Variants in ZFAND3 observed in about 807,000 individuals in gnomAD.
ZFAND3 encodes AN1-type zinc finger protein 3.
A neutral mutation model predicts 29.6 loss-of-function variants in ZFAND3; 10 were observed. The observed-to-expected ratio is 0.34, with a 90% CI of 0.21 to 0.57. The LOEUF is 0.57. Among genes scored for constraint, ZFAND3 ranks in the 20% least tolerant of loss-of-function variants. The pLI is 0.86. For synonymous variants in ZFAND3, 128 were observed against 112.6 expected, an observed-to-expected ratio of 1.14 and a Z score of -0.87; for missense variants, 230 against 304.5, an observed-to-expected ratio of 0.76 and a Z score of 1.82.
At chr6:37,938,816 A>T (rs925646687) in intron 2 of ZFAND3, among the ~76,000 whole-genome samples, 14 of 152,254 alleles carry the variant, frequency 9.2e-5, no homozygotes, top group African/African-American at 3.4e-4. Flanking sequence ...TTGCATTTCT[A>T]ACGGGAAACA....
intron 2 of ZFAND3, among the ~76,000 whole-genome samples, chr6:38,044,374 TCTTA>T (rs1220367997): frequency 1.3e-5 from 2 of 152,122 alleles, no homozygotes; most frequent in Non-Finnish European, 2.9e-5. Context: ...TAGTTAACAC[TCTTA>T]CTTTTTTTTT....
intron 5 of ZFAND3, among the ~76,000 whole-genome samples, chr6:38,144,856 C>T (rs187261655): frequency 6.6e-6 from 1 of 152,266 alleles, no homozygotes; most frequent in East Asian, 1.9e-4. Context: ...CCAGTTTTGC[C>T]AACTTGAAAT....
At chr6:37,863,771 C>T (rs758365706) in intron 1 of ZFAND3, among the ~76,000 whole-genome samples, 14 of 152,192 alleles carry the variant, frequency 9.2e-5, no homozygotes, top group Non-Finnish European at 2.1e-4. Context: ...AGCGTTTGGA[C>T]AATATGCCAA....
intron 1 of ZFAND3, among the ~76,000 whole-genome samples, chr6:37,856,717 A>G (rs1764390166): frequency 6.6e-6 from 1 of 152,250 alleles, no homozygotes; most frequent in African/African-American, 2.4e-5. Flanking sequence ...CTTATTTTTT[A>G]TATACAATAA....
intron 5 of ZFAND3, among the ~76,000 whole-genome samples, chr6:38,144,231 A>ATATATATAATATATATATATATT (rs1365246829): frequency 4.0e-5 from 3 of 75,282 alleles, no homozygotes; most frequent in African/African-American, 1.3e-4. Flanking sequence ...ATATATATAT[A>ATATATATAATATATATATATATT]TTTTTTTTTT....
intron 2 of ZFAND3, 106 bp from the exon 3 acceptor site, chr6:38,061,485 CTT>C: frequency 7.5e-7 from 1 of 1,337,848 alleles, no homozygotes; most frequent in Non-Finnish European, 1.0e-6. Flanking sequence ...CCAGATCAGT[CTT>C]TATTATTGGT....
At chr6:38,024,174 T>C (rs1403818501) in intron 2 of ZFAND3, among the ~76,000 whole-genome samples, 1 of 152,040 alleles carries the variant, frequency 6.6e-6, no homozygotes, top group Non-Finnish European at 1.5e-5. Flanking sequence ...AACAGGTGTA[T>C]AAAAAAGTAC....
intron 2 of ZFAND3, among the ~76,000 whole-genome samples, chr6:37,973,331 C>G (rs1762423340): frequency 6.6e-6 from 1 of 152,156 alleles, no homozygotes; most frequent in South Asian, 2.1e-4. Flanking sequence ...GCCTCAGTAC[C>G]TAAACTTTAA....
intron 2 of ZFAND3, among the ~76,000 whole-genome samples, chr6:37,977,827 T>A (rs1762509121): frequency 3.0e-4 from 1 of 3,352 alleles, no homozygotes; most frequent in South Asian, 0.014. Flanking sequence ...TGTAAAATGC[T>A]TTTCCTTCCT....
At chr6:37,830,039 A>T (rs1763832000) in intron 1 of ZFAND3, among the ~76,000 whole-genome samples, 1 of 152,246 alleles carries the variant, frequency 6.6e-6, no homozygotes, top group Non-Finnish European at 1.5e-5. Context: ...ATGATAGTTG[A>T]AAGCCACCAA....
At chr6:37,847,592 C>T (rs1158877871) in intron 1 of ZFAND3, among the ~76,000 whole-genome samples, 1 of 151,950 alleles carries the variant, frequency 6.6e-6, no homozygotes, top group Admixed American at 6.6e-5. Context: ...AATCAGAGTA[C>T]TATTGATACA....
At chr6:38,123,304 G>A (rs530335906) in intron 5 of ZFAND3, among the ~76,000 whole-genome samples, 1 of 152,292 alleles carries the variant, frequency 6.6e-6, no homozygotes, top group South Asian at 2.1e-4. Flanking sequence ...CACATGTTGG[G>A]GACATGCATT....
Position 38,153,520 on chromosome 6 carries a change from G to T in ZFAND3, c.*1131G>T. 1 of 985,614 alleles carries T rather than the reference G, an allele frequency of 1.0e-6. No homozygotes were observed. Among genetic ancestry groups the T allele is most frequent in the Non-Finnish European group, 1.2e-6 (1 of 830,046 alleles). 61.1% of individuals were successfully genotyped at this position (985,614 alleles called of 1,614,324 possible). ...ATACGTCCCAGGGACAGTGGGTTTGGATCTGTCTAGAACAGCGGTTTGTGG... is the reference window on the plus strand; with the variant it reads ...ATACGTCCCAGGGACAGTGGGTTTGTATCTGTCTAGAACAGCGGTTTGTGG... On this transcript the variant is annotated 3_prime_UTR_variant, in exon 6 of 6. Coordinates refer to ENST00000287218, the MANE Select transcript of ZFAND3 (RefSeq NM_021943.3).
At chr6:38,069,465 C>T (rs1349653883) in intron 3 of ZFAND3, among the ~76,000 whole-genome samples, 1 of 152,068 alleles carries the variant, frequency 6.6e-6, no homozygotes, top group African/African-American at 2.4e-5. Flanking sequence ...AGATTCTTTC[C>T]CATAATGAAG....
chr6:38,050,230 C>T (rs1205798864), intron 2 of ZFAND3, among the ~76,000 whole-genome samples: 2 of 152,010 alleles, frequency 1.3e-5, no homozygotes, highest in African/African-American at 2.4e-5. Context: ...GCTGGGATTA[C>T]AAGCGTGAGT....
At chr6:37,909,260 T>C (rs259673) in intron 1 of ZFAND3, among the ~76,000 whole-genome samples, 44,718 of 149,668 alleles carry the variant, frequency 0.3, 7,357 homozygotes, top group Non-Finnish European at 0.38. Flanking sequence ...CAAAACGAGA[T>C]TTTTTTTCTT....
chr6:38,132,802 C>G (rs1157856761), intron 5 of ZFAND3, among the ~76,000 whole-genome samples: 3 of 152,134 alleles, frequency 2.0e-5, no homozygotes, highest in Non-Finnish European at 2.9e-5. Flanking sequence ...CTTAGATTGA[C>G]TAGGTGCTTC....
intron 2 of ZFAND3, among the ~76,000 whole-genome samples, chr6:38,016,611 C>T (rs1340551269): frequency 6.6e-6 from 1 of 152,160 alleles, no homozygotes; most frequent in African/African-American, 2.4e-5. Flanking sequence ...GTTAAACTTA[C>T]AATTTTGCAG....
chr6:37,904,344 C>G (rs949735362), intron 1 of ZFAND3, among the ~76,000 whole-genome samples: 4 of 152,108 alleles, frequency 2.6e-5, no homozygotes, highest in African/African-American at 9.7e-5. Flanking sequence ...TTTATATTTG[C>G]TATACTGGAA....
Sources: allele counts gnomAD v4.1 joint callset (sites outside exome capture counted in the v4.1 genomes callset), GRCh38; gene constraint gnomAD v4.1.1; transcripts MANE v1.5; gene names NCBI Gene and HGNC (gene_info 2026-07-23, HGNC 2026-07-21).